MICAL3: variants seen among roughly 807,000 people sequenced by gnomAD.
The protein encoded by MICAL3 is [F-actin]-monooxygenase MICAL3.
A neutral mutation model predicts 207.4 loss-of-function variants in MICAL3; 62 were observed. The observed-to-expected ratio is 0.30, with a 90% CI of 0.24 to 0.37. The LOEUF is 0.37. Among genes scored for constraint, MICAL3 ranks in the 10% least tolerant of loss-of-function variants. The pLI, the probability that MICAL3 is intolerant of heterozygous loss-of-function variation, is 1.00. For synonymous variants in MICAL3, 1,077 were observed against 1,069.3 expected (o/e 1.01, Z -0.14); for missense variants, 2,368 against 2,635.6 (o/e 0.90, Z 2.22).
At chr22:17,840,562 CT>C (rs1923909565) in intron 20 of MICAL3, 1 of 152,250 alleles carries the variant, frequency 6.6e-6, no homozygotes, top group African/African-American at 2.4e-5. Flanking sequence ...ATTACATGAA[CT>C]TGCTGCCCCA....
At chr22:17,840,722 G>C (rs769474002) in intron 20 of MICAL3, 16 of 151,716 alleles carry the variant, frequency 1.1e-4, no homozygotes, top group Non-Finnish European at 2.1e-4. Context: ...AGTGGAGAGA[G>C]AGAGTGGGCT....
At chr22:17,870,572 C>T (rs75363527) in intron 17 of MICAL3, among the ~76,000 whole-genome samples, 4,279 of 152,222 alleles carry the variant, frequency 0.028, 89 homozygotes, top group South Asian at 0.045. Context: ...ATCTTCTTTC[C>T]GGGCAGACTC....
chr22:17,894,639 A>T (rs1399740248), intron 10 of MICAL3, among the ~76,000 whole-genome samples: 2 of 151,810 alleles, frequency 1.3e-5, no homozygotes, highest in Non-Finnish European at 2.9e-5. Context: ...TCTACTAAAA[A>T]TACAAAAATT....
At chr22:17,987,746 C>T (rs1267471359) in intron 1 of MICAL3, among the ~76,000 whole-genome samples, 1 of 152,138 alleles carries the variant, frequency 6.6e-6, no homozygotes, top group Admixed American at 6.5e-5. Context: ...CTTCATAAAC[C>T]CACACTGAAT....
intron 29 of MICAL3, among the ~76,000 whole-genome samples, chr22:17,806,899 T>C (rs564586246): frequency 6.6e-6 from 1 of 152,332 alleles, no homozygotes; most frequent in Non-Finnish European, 1.5e-5. Flanking sequence ...TTCCGGCCCT[T>C]TGGCAGAAGC....
intron 19 of MICAL3, among the ~76,000 whole-genome samples, chr22:17,854,399 G>A (rs946443500): frequency 2.6e-5 from 4 of 152,078 alleles, no homozygotes; most frequent in African/African-American, 9.7e-5. Context: ...TACCAAACAG[G>A]CCGACCAACC....
chr22:18,022,202 C>T (rs1309198372), intron 1 of MICAL3, among the ~76,000 whole-genome samples: 1 of 152,016 alleles, frequency 6.6e-6, no homozygotes, highest in Non-Finnish European at 1.5e-5. Flanking sequence ...AAACTTTTTG[C>T]CGCCCACCCC....
chr22:17,986,415 G>T (rs1394273919), intron 1 of MICAL3, among the ~76,000 whole-genome samples: 5 of 152,194 alleles, frequency 3.3e-5, no homozygotes, highest in African/African-American at 1.2e-4. Context: ...AGCTACTTGG[G>T]AGGCTAAGGC....
At chr22:17,822,894 G>T in intron 23 of MICAL3, 53 bp downstream of exon 23, 2 of 1,219,696 alleles carry the variant, frequency 1.6e-6, no homozygotes, top group Non-Finnish European at 2.4e-6. Flanking sequence ...AAAGCATATT[G>T]CCTTCATCTT....
chr22:17,908,422 C>G (rs1931900868), intron 1 of MICAL3, among the ~76,000 whole-genome samples: 1 of 152,162 alleles, frequency 6.6e-6, no homozygotes, highest in Admixed American at 6.5e-5. Flanking sequence ...GTTCTCCTGC[C>G]TCAGCCTCCC....
chr22:18,015,260 A>C (rs950956681), intron 1 of MICAL3, among the ~76,000 whole-genome samples: 1 of 152,284 alleles, frequency 6.6e-6, no homozygotes, highest in South Asian at 2.1e-4. Context: ...GGGGCTAATA[A>C]AAAACATTCT....
In MICAL3 at chr22:17,818,301, T is replaced by C. The variant is rs771139321; in HGVS notation, c.4360A>G (p.Thr1454Ala). The change falls in exon 26 of 32, where the codon ACG becomes GCG. Residue 1454 changes from threonine to alanine, a missense_variant. Around this residue, in one of 4 missense-constraint regions of MICAL3, gnomAD observed 1,770 missense variants for 1,863.2 expected, o/e 0.95. Transcript: ENST00000441493. ...SFNTSDSAML[T>A]PPSSPPPPPP... ...GGTGGGGGCGGGCTGGAGGGGGGCG[T>C]GAGCATGGCGGAGTCCGAGGTGTTG... 2.5e-4 allele frequency: 386 copies of C among 1,534,288 alleles called. No individual in the cohort carries two copies. The highest frequency in any genetic ancestry group is 3.3e-4 in the Non-Finnish European group (378 of 1,146,560).
intron 11 of MICAL3, among the ~76,000 whole-genome samples, chr22:17,893,272 C>T (rs777405983): frequency 2.0e-5 from 3 of 152,168 alleles, no homozygotes; most frequent in African/African-American, 7.2e-5. Flanking sequence ...TCTGGTACTT[C>T]CCTCCTCCAA....
chr22:17,861,581 T>C (rs1445663685), intron 19 of MICAL3: 2 of 985,442 alleles, frequency 2.0e-6, no homozygotes, highest in Non-Finnish European at 2.4e-6. Flanking sequence ...AAACTTCTCA[T>C]GTCCAAGGGG....
intron 1 of MICAL3, among the ~76,000 whole-genome samples, chr22:17,942,600 C>A (rs1933862384): frequency 6.6e-6 from 1 of 152,228 alleles, no homozygotes; most frequent in Admixed American, 6.5e-5. Flanking sequence ...GCCAGCAGAT[C>A]CCTGATGAAA....
At chr22:17,863,433 T>C (rs1371830375) in intron 19 of MICAL3, 2 of 985,338 alleles carry the variant, frequency 2.0e-6, no homozygotes, top group Non-Finnish European at 2.4e-6. Flanking sequence ...TTGGTTATTT[T>C]TCTCTACCAG....
intron 25 of MICAL3, 128 bp downstream of exon 25, chr22:17,821,299 G>C (rs1921617023): frequency 4.2e-6 from 3 of 719,870 alleles, no homozygotes; most frequent in Non-Finnish European, 6.6e-6. Flanking sequence ...AGAATGAGGA[G>C]GCCAGCAGGC....
chr22:17,805,597 G>A (rs954618666), intron 29 of MICAL3, among the ~76,000 whole-genome samples: 9 of 152,212 alleles, frequency 5.9e-5, no homozygotes, highest in Non-Finnish European at 1.0e-4. Flanking sequence ...TTTGCACTAC[G>A]ACAGTGGTTT....
chr22:17,936,095 T>C (rs1350965948), intron 1 of MICAL3, among the ~76,000 whole-genome samples: 1 of 152,198 alleles, frequency 6.6e-6, no homozygotes, highest in Non-Finnish European at 1.5e-5. Context: ...CAAAAGATTA[T>C]AAATCATGCT....
Sources: gnomAD v4.1 joint callset for allele counts (sites outside exome capture counted in the v4.1 genomes callset) on GRCh38, gnomAD v4.1.1 for gene constraint, gnomAD v4.1.1 regional missense constraint, MANE v1.5 for transcripts, NCBI Gene and HGNC (gene_info 2026-07-23, HGNC 2026-07-21) for gene names.